UGT1A10: variants seen among roughly 807,000 people sequenced by gnomAD.
The protein encoded by UGT1A10 is UDP glucuronosyltransferase family 1 member A10.
In UGT1A10, 49 loss-of-function variants were observed where a neutral mutation model predicts 45.8. The ratio of observed to expected loss-of-function variants is 1.07; its 90% CI spans 0.85 to 1.36. The LOEUF (loss-of-function observed/expected upper bound fraction) is 1.36. UGT1A10 is among the 40% of genes most tolerant of loss of function. The probability of loss-of-function intolerance (pLI) is 0.00; values close to 1 mark genes in which losing one functional copy is unlikely to be tolerated. For synonymous variants in UGT1A10, 284 were observed against 249.7 expected, an observed-to-expected ratio of 1.14 and a Z score of -1.29; for missense variants, 745 against 668.6, an observed-to-expected ratio of 1.11 and a Z score of -1.26.
rs1433433254 is a variant in UGT1A10 at position 233,729,616 on chromosome 2, T to A, written c.856-37418T>A. On this transcript the variant is annotated intron_variant, in intron 1 of 4. Coordinates refer to ENST00000344644, the MANE Select transcript of UGT1A10 (RefSeq NM_019075.4). ...CCTCTGCGCGGCAGTGCTGGCTAAG[T>A]ACCTGTCGATTCCTACTGTGTTTTT... 3 of 1,614,044 alleles carry A rather than the reference T, an allele frequency of 1.9e-6. No homozygotes were observed. The Admixed American group carries it at 5.0e-5, about 27-fold the overall frequency.
chr2:233,638,590 A>G (rs1320532741), intron 1 of UGT1A10, among the ~76,000 whole-genome samples: 3 of 152,214 alleles, frequency 2.0e-5, no homozygotes, highest in Non-Finnish European at 4.4e-5. Flanking sequence ...CTTGAAAAAT[A>G]CCAGAATAAG....
rs1350513061 is a variant in UGT1A10 at position 233,674,678 on chromosome 2, T to C, written c.855+37301T>C. On this transcript the variant is annotated intron_variant, in intron 1 of 4. Coordinates refer to ENST00000344644, the MANE Select transcript of UGT1A10 (RefSeq NM_019075.4). ...ATGAGATATGAAATAAATGTGTTTA[T>C]GTGTCTATTAAAGAATATGGATGTA... is the stretch of plus-strand genomic sequence containing the variant. 3.9e-5 allele frequency among the ~76,000 whole-genome samples: 6 copies of C among 152,228 alleles called. No individual in the cohort carries two copies. The East Asian group carries it at 9.6e-4, about 24-fold the overall frequency.
At chr2:233,640,145 G>C (rs1372404758) in intron 1 of UGT1A10, among the ~76,000 whole-genome samples, 1 of 152,164 alleles carries the variant, frequency 6.6e-6, no homozygotes, top group African/African-American at 2.4e-5. Context: ...ACTTTTGGTT[G>C]ACAAGACTAA....
intron 1 of UGT1A10, chr2:233,682,366 T>C (rs183302274): frequency 2.2e-4 from 357 of 1,614,102 alleles, no homozygotes; most frequent in Admixed American, 6.5e-4. Flanking sequence ...GTTGTTTTGA[T>C]GCAGTGTTTC....
At chr2:233,738,115 G>T (rs1249005866) in intron 1 of UGT1A10, among the ~76,000 whole-genome samples, 5 of 152,176 alleles carry the variant, frequency 3.3e-5, no homozygotes, top group African/African-American at 1.2e-4. Flanking sequence ...AGATCTGATG[G>T]TTTTATAAGG....
At chr2:233,770,232 T>C (rs980234122) in intron 4 of UGT1A10, 2 of 152,214 alleles carry the variant, frequency 1.3e-5, no homozygotes, top group Non-Finnish European at 2.9e-5. Flanking sequence ...ATTGTGAATC[T>C]CCATGATTCC....
At position 233,636,890 on chromosome 2, in the gene UGT1A10, A is replaced by T. The variant is rs2073306288; in HGVS notation, c.368A>T (p.His123Leu). 1 of 1,613,984 alleles carries T rather than the reference A, an allele frequency of 6.2e-7. No homozygotes were observed. Among genetic ancestry groups the T allele is most frequent in the Non-Finnish European group, 8.5e-7 (1 of 1,179,972 alleles). ...GGTTTTCTTGACTTATTTTTTTCGC[A>T]TTGCAGGAGTTTGTTTAATGACCGA... Reference protein sequence around the residue: ...SSGFLDLFFSHCRSLFNDRKL... With the variant: ...SSGFLDLFFSLCRSLFNDRKL... The change falls in exon 1 of 5, where the codon CAT becomes CTT. Residue 123 changes from histidine to leucine, a missense_variant. Transcript: ENST00000344644.
intron 1 of UGT1A10, among the ~76,000 whole-genome samples, chr2:233,720,449 T>C (rs1240396680): frequency 6.6e-6 from 1 of 152,106 alleles, no homozygotes; most frequent in East Asian, 1.9e-4. Context: ...ATAAGCCCAG[T>C]GAAGCTGGGA....
chr2:233,757,549 T>TATATATATATATATATATATATAC (rs1696618435), intron 1 of UGT1A10, among the ~76,000 whole-genome samples: 1 of 133,970 alleles, frequency 7.5e-6, no homozygotes, highest in East Asian at 2.0e-4. Flanking sequence ...TATATATATA[T>TATATATATATATATATATATATAC]ATATATATAT....
intron 1 of UGT1A10, among the ~76,000 whole-genome samples, chr2:233,752,104 T>G (rs2125914328): frequency 6.6e-6 from 1 of 152,238 alleles, no homozygotes; most frequent in East Asian, 1.9e-4. Flanking sequence ...GAAAGTAGAA[T>G]CAGAGGAGAA....
At chr2:233,692,000 T>C (rs2075071935) in intron 1 of UGT1A10, 1 of 152,182 alleles carries the variant, frequency 6.6e-6, no homozygotes, top group Non-Finnish European at 1.5e-5. Flanking sequence ...GTAAAGGAGA[T>C]GTAAAGTCTC....
chr2:233,744,268 G>A (rs975143580), intron 1 of UGT1A10, among the ~76,000 whole-genome samples: 1 of 151,806 alleles, frequency 6.6e-6, no homozygotes, highest in Non-Finnish European at 1.5e-5. Context: ...TTTTCTTAAA[G>A]TAGGCTTTAT....
intron 1 of UGT1A10, among the ~76,000 whole-genome samples, chr2:233,765,843 C>G (rs546022798): frequency 2.0e-4 from 31 of 152,086 alleles, no homozygotes; most frequent in African/African-American, 7.2e-4. Context: ...TTTCCTTGTC[C>G]CCCTCACAGA....
At chr2:233,747,712 T>C (rs566811001) in intron 1 of UGT1A10, 704 of 1,613,102 alleles carry the variant, frequency 4.4e-4, no homozygotes, top group Non-Finnish European at 5.2e-4. Flanking sequence ...TACCTATCAA[T>C]TCCTGCTGTG....
intron 1 of UGT1A10, among the ~76,000 whole-genome samples, chr2:233,716,212 C>A (rs1384264157): frequency 6.6e-6 from 1 of 152,184 alleles, no homozygotes; most frequent in African/African-American, 2.4e-5. Flanking sequence ...CTTTCACTTG[C>A]AAGAGCCCTT....
intron 1 of UGT1A10, among the ~76,000 whole-genome samples, chr2:233,646,785 C>T (rs373087146): frequency 2.0e-5 from 3 of 152,180 alleles, no homozygotes; most frequent in African/African-American, 4.8e-5. Flanking sequence ...CCTACATTTT[C>T]CTGTCTTCTT....
intron 1 of UGT1A10, among the ~76,000 whole-genome samples, chr2:233,761,605 A>G (rs1697811953): frequency 6.6e-6 from 1 of 152,260 alleles, no homozygotes; most frequent in South Asian, 2.1e-4. Context: ...TCCAGTTTCT[A>G]AATATTCTGA....
rs1472229025 is a variant in UGT1A10 at position 233,772,837 on chromosome 2, T to C, written c.*278T>C. ...CGTGCAGACAGGCTGGCATTCTAGA[T>C]TACTTTTCTTACTCTGAAACATGGC... is the stretch of plus-strand genomic sequence containing the variant. On this transcript the variant is annotated 3_prime_UTR_variant, in exon 5 of 5. Transcript: ENST00000344644. 1.2e-6 allele frequency: 1 copy of C among 832,170 alleles called. No homozygotes were observed. The highest frequency in any genetic ancestry group is 1.7e-6 in the Non-Finnish European group (1 of 590,342). The allele number at this position is 832,170 out of a possible 1,614,324, so 51.5% of individuals were successfully genotyped here.
chr2:233,730,318 A>G (rs972603934), intron 1 of UGT1A10, among the ~76,000 whole-genome samples: 3 of 152,210 alleles, frequency 2.0e-5, no homozygotes, highest in African/African-American at 7.2e-5. Flanking sequence ...TGGCAGGAAC[A>G]GGGACACTAC....
Sources: allele counts gnomAD v4.1 joint callset (sites outside exome capture counted in the v4.1 genomes callset), GRCh38; gene constraint gnomAD v4.1.1; transcripts MANE v1.5; gene names NCBI Gene and HGNC (gene_info 2026-07-23, HGNC 2026-07-21).